RSU1: variants seen among roughly 807,000 people sequenced by gnomAD.
RSU1 encodes rsu-1.
In RSU1, 26 loss-of-function variants were observed where a neutral mutation model predicts 31.1. The observed-to-expected ratio is 0.84, with a 90% CI of 0.61 to 1.16. The LOEUF (loss-of-function observed/expected upper bound fraction) is 1.16. Ranked by LOEUF, RSU1 falls within the 50% of genes most tolerant of loss-of-function variation. RSU1 has a pLI of 0.00. For missense variants in RSU1, 320 were observed against 339.1 expected, an observed-to-expected ratio of 0.94 and a Z score of 0.44; for synonymous variants, 164 against 136.3, an observed-to-expected ratio of 1.20 and a Z score of -1.41.
Position 16,626,744 on chromosome 10 carries a change from C to A in RSU1, c.732-33248G>T, listed in dbSNP as rs80084097. Reference sequence around the variant, plus strand: ...GGTCTCATGGGGTGGCAACGCTTCACTGTAGACTTTTGGAAATCTATAGGG... The same window carrying A: ...GGTCTCATGGGGTGGCAACGCTTCAATGTAGACTTTTGGAAATCTATAGGG... On this transcript the variant is annotated intron_variant, in intron 8 of 8. Coordinates refer to ENST00000345264, the MANE Select transcript of RSU1 (RefSeq NM_012425.4). Among the ~76,000 whole-genome samples the A allele has an allele frequency of 2.6e-3, 403 of 152,306 alleles. 6 individuals are homozygous for A. The East Asian group carries it at 0.047, about 18-fold the overall frequency.
At chr10:16,681,537 G>A (rs1212140445) in intron 8 of RSU1, among the ~76,000 whole-genome samples, 1 of 152,030 alleles carries the variant, frequency 6.6e-6, no homozygotes, top group Non-Finnish European at 1.5e-5. Flanking sequence ...CAGATGGGAG[G>A]CAAATTTAAG....
intron 2 of RSU1, among the ~76,000 whole-genome samples, chr10:16,794,679 G>A (rs369980190): frequency 2.0e-5 from 3 of 152,200 alleles, no homozygotes; most frequent in Non-Finnish European, 2.9e-5. Flanking sequence ...TCAGAACAGA[G>A]TACAATCAAG....
At chr10:16,730,516 CA>C in intron 7 of RSU1, among the ~76,000 whole-genome samples, 1 of 152,272 alleles carries the variant, frequency 6.6e-6, no homozygotes, top group East Asian at 1.9e-4. Flanking sequence ...CCCTATTAGC[CA>C]ACCCCCCAGC....
intron 8 of RSU1, among the ~76,000 whole-genome samples, chr10:16,633,075 T>C (rs1230137214): frequency 1.3e-5 from 2 of 152,194 alleles, no homozygotes; most frequent in Non-Finnish European, 2.9e-5. Context: ...ATTCTTTGTT[T>C]TGGGGGGCTG....
At chr10:16,776,531 T>G (rs1199228069) in intron 3 of RSU1, among the ~76,000 whole-genome samples, 1 of 151,728 alleles carries the variant, frequency 6.6e-6, no homozygotes, top group East Asian at 1.9e-4. Flanking sequence ...AACTTAGGTT[T>G]ACTACCTGCC....
chr10:16,738,404 T>C (rs1476196011), intron 7 of RSU1, among the ~76,000 whole-genome samples: 1 of 152,004 alleles, frequency 6.6e-6, no homozygotes, highest in East Asian at 1.9e-4. Flanking sequence ...TGAGCCGAGA[T>C]AGCGCCACTG....
chr10:16,775,105 A>T (rs2131640441), intron 3 of RSU1, among the ~76,000 whole-genome samples: 2 of 152,264 alleles, frequency 1.3e-5, no homozygotes, highest in South Asian at 4.2e-4. Flanking sequence ...TAAGTATTGC[A>T]CCTCTTAGTG....
chr10:16,773,410 T>C (rs1181645853), intron 3 of RSU1, among the ~76,000 whole-genome samples: 3 of 152,072 alleles, frequency 2.0e-5, no homozygotes, highest in Admixed American at 6.6e-5. Flanking sequence ...AACCCAACTA[T>C]GGCTTTTAAC....
intron 2 of RSU1, 63 bp downstream of exon 2, chr10:16,816,910 T>C (rs1444755662): frequency 8.5e-7 from 1 of 1,172,782 alleles, no homozygotes; most frequent in South Asian, 1.2e-5. Flanking sequence ...GGACCAGCAG[T>C]GAATTGGCAA....
At chr10:16,741,416 T>G (rs947088774) in intron 7 of RSU1, among the ~76,000 whole-genome samples, 10 of 152,154 alleles carry the variant, frequency 6.6e-5, no homozygotes. Context: ...GCATTTCATT[T>G]TGAGGTAACA....
At chr10:16,640,280 C>T (rs1207788789) in intron 8 of RSU1, among the ~76,000 whole-genome samples, 1 of 151,914 alleles carries the variant, frequency 6.6e-6, no homozygotes. Flanking sequence ...ATATTTCACA[C>T]CTCCTCTTAT....
chr10:16,752,728 T>C (rs955481429), intron 6 of RSU1, 75 bp from the exon 7 acceptor site: 3 of 1,155,592 alleles, frequency 2.6e-6, no homozygotes, highest in Non-Finnish European at 3.9e-6. Flanking sequence ...ATCCTCTATG[T>C]CCTCTCTTCT....
chr10:16,791,645 A>C (rs1255312145), intron 2 of RSU1, among the ~76,000 whole-genome samples: 3 of 152,110 alleles, frequency 2.0e-5, no homozygotes, highest in Admixed American at 6.5e-5. Context: ...CAAAAAAAAA[A>C]AAAAAAGAAA....
At chr10:16,726,903 A>G (rs1836407553) in intron 7 of RSU1, 1 of 377,802 alleles carries the variant, frequency 2.6e-6, no homozygotes, top group African/African-American at 2.1e-5. Flanking sequence ...AAAATCCACC[A>G]TGCAGAAGGG....
At chr10:16,755,651 ATATTGT>A (rs1837070315) in intron 4 of RSU1, among the ~76,000 whole-genome samples, 2 of 152,134 alleles carry the variant, frequency 1.3e-5, no homozygotes, top group Admixed American at 1.3e-4. Context: ...ATTATACCAC[ATATTGT>A]TATTAACTGC....
chr10:16,609,365 G>C (rs1833857397), intron 8 of RSU1, among the ~76,000 whole-genome samples: 1 of 152,168 alleles, frequency 6.6e-6, no homozygotes, highest in African/African-American at 2.4e-5. Flanking sequence ...GCAAAACTGT[G>C]GCTGTGGGTG....
At chr10:16,682,547 C>CACACACACACAT (rs1475452201) in intron 8 of RSU1, among the ~76,000 whole-genome samples, 1 of 147,722 alleles carries the variant, frequency 6.8e-6, no homozygotes, top group African/African-American at 2.5e-5. Flanking sequence ...CACACACACA[C>CACACACACACAT]ACACACACAC....
At chr10:16,638,807 G>C (rs1834391944) in intron 8 of RSU1, among the ~76,000 whole-genome samples, 1 of 152,210 alleles carries the variant, frequency 6.6e-6, no homozygotes, top group Non-Finnish European at 1.5e-5. Flanking sequence ...TTCTACAACA[G>C]AGCATTAACT....
At chr10:16,733,506 G>A (rs942146308) in intron 7 of RSU1, among the ~76,000 whole-genome samples, 11 of 151,788 alleles carry the variant, frequency 7.2e-5, no homozygotes, top group African/African-American at 2.4e-4. Context: ...AGACTCTGTC[G>A]CAAAACAAAC....
Sources: gnomAD v4.1 joint callset for allele counts (sites outside exome capture counted in the v4.1 genomes callset) on GRCh38, gnomAD v4.1.1 for gene constraint, MANE v1.5 for transcripts, NCBI Gene and HGNC (gene_info 2026-07-23, HGNC 2026-07-21) for gene names.